ZNF521: variants seen among roughly 807,000 people sequenced by gnomAD.
ZNF521 encodes the protein zinc finger protein 521.
In ZNF521, 14 loss-of-function variants were observed where a neutral mutation model predicts 105.5. The ratio of observed to expected loss-of-function variants is 0.13; its 90% CI spans 0.09 to 0.21. The LOEUF is 0.21. Ranked by LOEUF, ZNF521 falls within the 10% of genes least tolerant of loss-of-function variation. ZNF521 has a pLI of 1.00. For missense variants in ZNF521, 1,233 were observed against 1,629.7 expected (o/e 0.76, Z 4.19); for synonymous variants, 635 against 606.0 (o/e 1.05, Z -0.70).
At chr18:25,300,434 T>G (rs1911571489) in intron 3 of ZNF521, among the ~76,000 whole-genome samples, 1 of 152,202 alleles carries the variant, frequency 6.6e-6, no homozygotes, top group African/African-American at 2.4e-5. Flanking sequence ...GACAATATAA[T>G]AGAAATGGTT....
At chr18:25,116,858 C>A (rs2034313196) in intron 5 of ZNF521, among the ~76,000 whole-genome samples, 1 of 128,402 alleles carries the variant, frequency 7.8e-6, no homozygotes. Flanking sequence ...AAATCTGTTA[C>A]ATATATATAT....
chr18:25,339,677 T>A (rs565421162), intron 2 of ZNF521, among the ~76,000 whole-genome samples: 113 of 152,342 alleles, frequency 7.4e-4, no homozygotes, highest in African/African-American at 2.5e-3. Flanking sequence ...TACATTTGTT[T>A]GTCTACATTG....
At chr18:25,201,559 A>C (rs1247558027) in intron 4 of ZNF521, 1 of 152,186 alleles carries the variant, frequency 6.6e-6, no homozygotes, top group East Asian at 1.9e-4. Context: ...ATATTTTATC[A>C]ATCATTGCTA....
intron 3 of ZNF521, among the ~76,000 whole-genome samples, chr18:25,283,456 C>T (rs1008206613): frequency 8.5e-5 from 13 of 152,140 alleles, no homozygotes; most frequent in Admixed American, 5.9e-4. Flanking sequence ...AATTACTGGA[C>T]CACAATAAAT....
chr18:25,205,068 C>A (rs8095908), intron 4 of ZNF521, among the ~76,000 whole-genome samples: 150,059 of 150,060 alleles, frequency 1, 75,029 homozygotes, highest in Non-Finnish European at 1. Flanking sequence ...ACTGCCTACC[C>A]CCTTACACAG....
intron 3 of ZNF521, among the ~76,000 whole-genome samples, chr18:25,265,684 G>A (rs1462148652): frequency 1.3e-5 from 2 of 152,134 alleles, no homozygotes; most frequent in African/African-American, 2.4e-5. Flanking sequence ...ATCCCATTGC[G>A]GGGCATATAC....
intron 7 of ZNF521, chr18:25,082,675 A>C (rs2033523429): frequency 2.4e-6 from 1 of 416,818 alleles, no homozygotes; most frequent in Non-Finnish European, 4.7e-6. Flanking sequence ...ATCTCTACTA[A>C]AATACACACA....
intron 2 of ZNF521, among the ~76,000 whole-genome samples, chr18:25,346,119 T>C (rs2145223322): frequency 6.6e-6 from 1 of 152,210 alleles, no homozygotes; most frequent in African/African-American, 2.4e-5. Flanking sequence ...TTGCAATTCT[T>C]AAAAGCAAAG....
chr18:25,183,476 C>G (rs2035667546), intron 5 of ZNF521, among the ~76,000 whole-genome samples: 2 of 152,100 alleles, frequency 1.3e-5, no homozygotes, highest in Admixed American at 1.3e-4. Flanking sequence ...AGGTGTGAAT[C>G]TGTTGAACTC....
At chr18:25,115,881 A>G (rs780558032) in intron 5 of ZNF521, among the ~76,000 whole-genome samples, 11 of 152,202 alleles carry the variant, frequency 7.2e-5, no homozygotes, top group Non-Finnish European at 1.6e-4. Flanking sequence ...GTGAGTTTAC[A>G]AAGAGCTTGA....
chr18:25,207,507 CGCATAGAATGT>C (rs1197819371), intron 4 of ZNF521, among the ~76,000 whole-genome samples: 1 of 152,134 alleles, frequency 6.6e-6, no homozygotes, highest in East Asian at 1.9e-4. Flanking sequence ...ACACTTTCAG[CGCATAGAATGT>C]GCATATTATA....
Position 25,091,972 on chromosome 18 carries a change from G to T in ZNF521, c.3768C>A (p.Phe1256Leu). The change falls in exon 6 of 8, where the codon TTC becomes TTA. Residue 1256 changes from phenylalanine to leucine, a missense_variant. This residue lies in a region of ZNF521 where 76 missense variants were observed against 137.2 expected (regional missense o/e 0.55). Coordinates refer to ENST00000361524, the MANE Select transcript of ZNF521 (RefSeq NM_015461.3). Reference protein sequence around the residue: ...EHSFEGMGGTFKCPVCFTVFV... With the variant: ...EHSFEGMGGTLKCPVCFTVFV... Reference sequence around the variant, plus strand: ...CACCTGTAAAGCAGACTGGACACTTGAAGGTGCCTCCCATCCCTTCGAAGC... The same window carrying T: ...CACCTGTAAAGCAGACTGGACACTTTAAGGTGCCTCCCATCCCTTCGAAGC... 2 of 1,613,912 alleles carry T rather than the reference G, an allele frequency of 1.2e-6. No homozygotes were observed. The highest frequency in any genetic ancestry group is 8.5e-7 in the Non-Finnish European group (1 of 1,179,844).
At chr18:25,303,137 G>A (rs187115489) in intron 3 of ZNF521, among the ~76,000 whole-genome samples, 1 of 152,220 alleles carries the variant, frequency 6.6e-6, no homozygotes, top group East Asian at 1.9e-4. Flanking sequence ...ATTTGACAAT[G>A]GCAGTCATGT....
chr18:25,239,903 A>C (rs112960326), intron 3 of ZNF521, among the ~76,000 whole-genome samples: 1 of 151,910 alleles, frequency 6.6e-6, no homozygotes, highest in Non-Finnish European at 1.5e-5. Context: ...GGTATTTTGC[A>C]GTCAAAGCAG....
At chr18:25,191,919 G>T (rs1490505842) in intron 5 of ZNF521, among the ~76,000 whole-genome samples, 4 of 152,218 alleles carry the variant, frequency 2.6e-5, no homozygotes, top group Non-Finnish European at 4.4e-5. Context: ...GAAAAGAGAA[G>T]GGTGAATAGG....
At chr18:25,080,050 C>T (rs2033457578) in intron 7 of ZNF521, among the ~76,000 whole-genome samples, 2 of 152,188 alleles carry the variant, frequency 1.3e-5, no homozygotes, top group South Asian at 4.1e-4. Context: ...CTCCTGCCAG[C>T]CAGGAGCTGC....
intron 3 of ZNF521, among the ~76,000 whole-genome samples, chr18:25,289,043 T>C (rs1910864006): frequency 6.6e-6 from 1 of 152,254 alleles, no homozygotes; most frequent in Admixed American, 6.5e-5. Context: ...TTTTTTAACC[T>C]TGGAAATTAC....
intron 4 of ZNF521, among the ~76,000 whole-genome samples, chr18:25,210,861 T>C (rs1208679598): frequency 6.6e-6 from 1 of 152,204 alleles, no homozygotes; most frequent in Non-Finnish European, 1.5e-5. Flanking sequence ...TGTTCTCACA[T>C]AAGCTTGCCA....
chr18:25,077,485 C>T (rs958673388), intron 7 of ZNF521, among the ~76,000 whole-genome samples: 1 of 151,952 alleles, frequency 6.6e-6, no homozygotes, highest in African/African-American at 2.4e-5. Context: ...CATCCGCGTG[C>T]CCCCCACATA....
Sources: allele counts gnomAD v4.1 joint callset (sites outside exome capture counted in the v4.1 genomes callset), GRCh38; gene constraint gnomAD v4.1.1; regional missense constraint gnomAD v4.1.1; transcripts MANE v1.5; gene names NCBI Gene and HGNC (gene_info 2026-07-23, HGNC 2026-07-21).